The following ERC2 variants were observed in gnomAD, a reference collection of about 807,000 sequenced individuals.
ERC2 encodes ELKS/RAB6-interacting/CAST family member 2.
A neutral mutation model predicts 114.8 loss-of-function variants in ERC2; 42 were observed. The observed-to-expected ratio is 0.37, with a 90% CI of 0.29 to 0.47. ERC2 has a LOEUF of 0.47. ERC2 is among the 20% of genes least tolerant of loss of function. The probability of loss-of-function intolerance (pLI) is 0.99; values close to 1 mark genes in which losing one functional copy is unlikely to be tolerated. For missense variants in ERC2, 939 were observed against 1,150.7 expected, an observed-to-expected ratio of 0.82 and a Z score of 2.66; for synonymous variants, 454 against 425.5, an observed-to-expected ratio of 1.07 and a Z score of -0.82.
At chr3:55,837,547 T>C (rs2060950003) in intron 14 of ERC2, among the ~76,000 whole-genome samples, 1 of 136,388 alleles carries the variant, frequency 7.3e-6, no homozygotes, top group Non-Finnish European at 1.5e-5. Context: ...AGGTGGGAAA[T>C]GAACAATGAG....
chr3:55,734,295 A>G (rs1232431595), intron 15 of ERC2, among the ~76,000 whole-genome samples: 1 of 152,146 alleles, frequency 6.6e-6, no homozygotes, highest in Non-Finnish European at 1.5e-5. Flanking sequence ...GCTGAAAGGT[A>G]TTGGAGGAAA....
intron 7 of ERC2, among the ~76,000 whole-genome samples, chr3:56,047,302 C>A (rs1362426644): frequency 6.6e-6 from 1 of 152,210 alleles, no homozygotes. Context: ...TCCTTTAATA[C>A]CACTGGATCC....
intron 7 of ERC2, among the ~76,000 whole-genome samples, chr3:56,019,379 A>G (rs2073543841): frequency 6.6e-6 from 1 of 152,176 alleles, no homozygotes; most frequent in South Asian, 2.1e-4. Flanking sequence ...GAACCAGGGA[A>G]ATATTATGCA....
chr3:56,267,339 T>A (rs966007247), intron 3 of ERC2, among the ~76,000 whole-genome samples: 1 of 152,212 alleles, frequency 6.6e-6, no homozygotes, highest in African/African-American at 2.4e-5. Context: ...TAAGACATTA[T>A]GCTAACTGAA....
intron 7 of ERC2, among the ~76,000 whole-genome samples, chr3:56,032,732 C>T (rs1043968003): frequency 6.6e-6 from 1 of 151,618 alleles, no homozygotes; most frequent in Non-Finnish European, 1.5e-5. Flanking sequence ...TGTGGTGTGG[C>T]ACATTCCTGT....
intron 17 of ERC2, among the ~76,000 whole-genome samples, chr3:55,533,522 AC>A (rs1350524256): frequency 3.3e-5 from 5 of 152,070 alleles, no homozygotes; most frequent in African/African-American, 9.7e-5. Context: ...TTCCATCCAA[AC>A]CCCGAGTCCA....
In ERC2 at chr3:55,659,915, A is replaced by G. The variant is rs542615238; in HGVS notation, c.*39+23879T>C. On this transcript the variant is annotated intron_variant, in intron 17 of 17. Transcript: ENST00000288221. The stretch of plus-strand genomic sequence containing the variant: ...TGAATCTCGGTATGGCGTCTCTCCC[A>G]TATTTGCTCTAGGCATCTAGTGCCT... 1.3e-4 allele frequency among the ~76,000 whole-genome samples: 20 copies of G among 151,586 alleles called. 2 individuals carry two copies. In the South Asian group the frequency reaches 3.2e-3, roughly 24 times the overall value.
intron 17 of ERC2, among the ~76,000 whole-genome samples, chr3:55,599,698 A>G (rs181674910): frequency 8.3e-4 from 126 of 152,332 alleles, no homozygotes; most frequent in Non-Finnish European, 1.5e-3. Flanking sequence ...CATCTATAGT[A>G]AGAAATTCTC....
At chr3:55,934,097 C>T (rs938317638) in intron 13 of ERC2, among the ~76,000 whole-genome samples, 1 of 152,128 alleles carries the variant, frequency 6.6e-6, no homozygotes, top group Non-Finnish European at 1.5e-5. Context: ...TATCTATATA[C>T]GCGCATATAT....
chr3:56,368,224 G>A (rs929697452), intron 2 of ERC2, among the ~76,000 whole-genome samples: 12 of 148,522 alleles, frequency 8.1e-5, no homozygotes, highest in South Asian at 2.1e-4. Flanking sequence ...AGCTAAGATC[G>A]GTCATACATC....
intron 13 of ERC2, among the ~76,000 whole-genome samples, chr3:55,947,738 A>G (rs2067223345): frequency 1.3e-5 from 2 of 152,226 alleles, no homozygotes; most frequent in Non-Finnish European, 2.9e-5. Context: ...GCAAATCTGT[A>G]AGAATAAACT....
In ERC2 at chr3:56,230,157, T is replaced by C. The variant is rs1048350239; in HGVS notation, c.1075-56637A>G. Among the ~76,000 whole-genome samples, 85 of 151,740 alleles carry C rather than the reference T, an allele frequency of 5.6e-4. 2 individuals are homozygous for C. Among genetic ancestry groups the C allele is most frequent in the Non-Finnish European group, 3.7e-4 (25 of 67,896 alleles). ...CTGGGATTACAGGCATGAGCAACCA[T>C]GCCTGGCCAAATATCCAGTCTTACA... On this transcript the variant is annotated intron_variant, in intron 3 of 17. Coordinates refer to ENST00000288221, the MANE Select transcript of ERC2 (RefSeq NM_015576.3).
chr3:56,418,295 CAA>C (rs57185789), intron 2 of ERC2, among the ~76,000 whole-genome samples: 5,760 of 75,058 alleles, frequency 0.077, 276 homozygotes, highest in African/African-American at 0.19. Flanking sequence ...GATCCTGTCT[CAA>C]AAAAAAAAAA....
Position 55,508,758 on chromosome 3 carries a change from AC to A in ERC2, c.*2557del, listed in dbSNP as rs2051909648. 6.6e-6 allele frequency: 1 copy of A among 152,600 alleles called. No individual in the cohort carries two copies. The highest frequency in any genetic ancestry group is 2.1e-4 in the South Asian group (1 of 4,824). 9.5% of individuals were successfully genotyped at this position (152,600 alleles called of 1,614,324 possible). A position where few individuals can be genotyped will look rare whatever the true frequency, so the allele number is the denominator to read the frequency against. On this transcript the variant is annotated 3_prime_UTR_variant, in exon 18 of 18. Transcript: ENST00000288221. ...TCAAATGAAAGTTGACACGCTGTTA[AC>A]GTGCATACTGGATACACAAAAATCA... is the stretch of plus-strand genomic sequence containing the variant.
intron 17 of ERC2, among the ~76,000 whole-genome samples, chr3:55,577,655 C>T (rs2057052085): frequency 6.6e-6 from 1 of 152,164 alleles, no homozygotes. Flanking sequence ...ATAAGTCAGG[C>T]TGAACCCCAA....
chr3:55,652,247 T>C (rs1280775682), intron 17 of ERC2, among the ~76,000 whole-genome samples: 2 of 152,268 alleles, frequency 1.3e-5, no homozygotes, highest in Non-Finnish European at 2.9e-5. Context: ...AAGCAGGTTC[T>C]GTTTCTAGTC....
At chr3:55,871,676 A>T (rs58792890) in intron 14 of ERC2, among the ~76,000 whole-genome samples, 1 of 152,210 alleles carries the variant, frequency 6.6e-6, no homozygotes, top group African/African-American at 2.4e-5. Flanking sequence ...AATTATGTCA[A>T]CCCTGGGACA....
At chr3:55,669,361 A>G (rs1417195071) in intron 17 of ERC2, among the ~76,000 whole-genome samples, 3 of 152,220 alleles carry the variant, frequency 2.0e-5, no homozygotes, top group Admixed American at 2.0e-4. Context: ...CTAAGAATAC[A>G]CCAAAGCCTG....
At chr3:55,925,094 A>T (rs2065669903) in intron 13 of ERC2, among the ~76,000 whole-genome samples, 1 of 152,210 alleles carries the variant, frequency 6.6e-6, no homozygotes, top group Non-Finnish European at 1.5e-5. Flanking sequence ...AGGTTGAGCC[A>T]GAAGAAACAA....
Sources: allele counts gnomAD v4.1 joint callset (sites outside exome capture counted in the v4.1 genomes callset), GRCh38; gene constraint gnomAD v4.1.1; transcripts MANE v1.5; gene names NCBI Gene and HGNC (gene_info 2026-07-23, HGNC 2026-07-21).